Variants in ABCC1 observed in about 807,000 individuals in gnomAD.
ABCC1 encodes ATP binding cassette subfamily C member 1 (ABCC1 blood group).
Under a neutral mutation model 172.9 loss-of-function variants are expected in ABCC1, and 83 were observed. The observed-to-expected ratio is 0.48, with a 90% confidence interval of 0.40 to 0.58. The LOEUF (loss-of-function observed/expected upper bound fraction) is 0.58. Ranked by LOEUF, ABCC1 falls within the 20% of genes least tolerant of loss-of-function variation. The pLI is 0.00. For missense variants in ABCC1, 1,817 were observed against 2,002.7 expected (o/e 0.91, Z 1.77); for synonymous variants, 937 against 825.2 (o/e 1.14, Z -2.32).
At chr16:16,052,675 TG>T (rs768945978) in intron 10 of ABCC1, 48 bp from the exon 11 acceptor site, 1 of 1,585,930 alleles carries the variant, frequency 6.3e-7, no homozygotes, top group South Asian at 1.1e-5. Context: ...TTACGGGCCC[TG>T]TTTTCTTCTG....
At chr16:16,128,737 G>A (rs1307874932) in intron 26 of ABCC1, among the ~76,000 whole-genome samples, 1 of 152,136 alleles carries the variant, frequency 6.6e-6, no homozygotes, top group Admixed American at 6.5e-5. Context: ...AGTGGCCCAC[G>A]CCTGCAATCC....
At chr16:16,006,847 T>TGGTGGC (rs71134499) in intron 1 of ABCC1, among the ~76,000 whole-genome samples, 5,458 of 89,654 alleles carry the variant, frequency 0.061, 338 homozygotes, top group African/African-American at 0.16. Context: ...TTATCCGTGG[T>TGGTGGC]GGTGGCGGTG....
intron 20 of ABCC1, among the ~76,000 whole-genome samples, chr16:16,106,199 C>T (rs921510469): frequency 1.1e-4 from 16 of 152,026 alleles, no homozygotes; most frequent in African/African-American, 3.4e-4. Context: ...CTGAGTAACA[C>T]GCTTGCATGA....
rs188980645 is a variant in ABCC1 at position 16,134,476 on chromosome 16, G to T, written c.4093G>T (p.Asp1365Tyr). The change falls in exon 28 of 31, where the codon GAC becomes TAC. Residue 1365 changes from aspartate (D) to tyrosine (Y), a missense_variant. Physicochemically the swap from Asp to Tyr is radical, Grantham distance 160. Around this residue, in one of 3 missense-constraint regions of ABCC1, gnomAD observed 1,412 missense variants for 1,600.3 expected, o/e 0.88. Transcript: ENST00000399410. ...CAACATCGCCAAGATCGGCCTGCAC[G>T]ACCTCCGCTTCAAGATCACCATCAT... ...GINIAKIGLH[D>Y]LRFKITIIPQ... The T allele has an allele frequency of 8.1e-6, 13 of 1,614,042 alleles. No individual in the cohort carries two copies. The highest frequency in any genetic ancestry group is 6.7e-5 in the Admixed American group (4 of 60,000).
At chr16:16,066,332 C>G (rs1398902537) in intron 12 of ABCC1, among the ~76,000 whole-genome samples, 1 of 151,882 alleles carries the variant, frequency 6.6e-6, no homozygotes, top group East Asian at 2.0e-4. Flanking sequence ...TAGGCATGCA[C>G]CACCACTCCT....
chr16:16,014,619 C>T lies in ABCC1; in HGVS notation c.480C>T (p.Ala160=). The change falls in exon 4 of 31, where the codon GCC becomes GCT. Residue 160 remains alanine (A), a synonymous_variant. Transcript: ENST00000399410. ...TCCTGAGATCCAAAATTATGACAGCCTTAAAAGAGGTAAGTGGCAGTCTCC... is the reference window on the plus strand; with the variant it reads ...TCCTGAGATCCAAAATTATGACAGCTTTAAAAGAGGTAAGTGGCAGTCTCC... ...LAILRSKIMT[A]LKEDAQVDLF... The T allele has an allele frequency of 2.5e-6, 4 of 1,613,770 alleles. No homozygotes were observed. The highest frequency in any genetic ancestry group is 2.5e-6 in the Non-Finnish European group (3 of 1,179,954).
At chr16:16,090,360 TCA>T (rs4148357) in intron 18 of ABCC1, 43 bp from the exon 19 acceptor site, 2 of 1,512,770 alleles carry the variant, frequency 1.3e-6, no homozygotes, top group Admixed American at 4.1e-5. Context: ...CTAGGCAGTC[TCA>T]CACATGTGCA....
intron 30 of ABCC1, 151 bp downstream of exon 30, chr16:16,138,709 T>A: frequency 7.0e-6 from 3 of 430,876 alleles, no homozygotes; most frequent in Non-Finnish European, 1.2e-5. Flanking sequence ...TGGTACCAGC[T>A]ATTTCTTTTT....
chr16:16,047,460 T>C (rs2049257139), intron 9 of ABCC1, among the ~76,000 whole-genome samples: 1 of 151,962 alleles, frequency 6.6e-6, no homozygotes, highest in Non-Finnish European at 1.5e-5. Context: ...CCTGCTAATG[T>C]CTTAGTGTTT....
intron 1 of ABCC1, among the ~76,000 whole-genome samples, chr16:15,993,708 T>C (rs246218): frequency 0.84 from 124,868 of 148,146 alleles, 52,451 homozygotes; most frequent in Non-Finnish European, 0.88. Flanking sequence ...AACCTAGACC[T>C]GGAACCTTGT....
intron 30 of ABCC1, among the ~76,000 whole-genome samples, chr16:16,139,339 C>T (rs924412702): frequency 4.3e-4 from 66 of 151,944 alleles, no homozygotes; most frequent in Admixed American, 2.6e-3. Flanking sequence ...AGGCCAGGTG[C>T]GGTGGCTCAC....
At chr16:16,068,753 G>A (rs908686270) in intron 13 of ABCC1, among the ~76,000 whole-genome samples, 2 of 151,864 alleles carry the variant, frequency 1.3e-5, no homozygotes, top group Non-Finnish European at 2.9e-5. Flanking sequence ...TTGGGAGGCT[G>A]AGGCGGGTAG....
intron 1 of ABCC1, among the ~76,000 whole-genome samples, chr16:16,000,362 T>A (rs1463467498): frequency 9.0e-6 from 1 of 111,018 alleles, no homozygotes; most frequent in Non-Finnish European, 2.3e-5. Flanking sequence ...CCAGGCTGGT[T>A]TTGAACTCCT....
At chr16:16,029,818 C>T (rs1362550956) in intron 5 of ABCC1, among the ~76,000 whole-genome samples, 1 of 152,122 alleles carries the variant, frequency 6.6e-6, no homozygotes, top group East Asian at 1.9e-4. Flanking sequence ...GAGTTTGAGA[C>T]CAGCCTGATC....
chr16:16,106,345 C>A (rs538083902), intron 20 of ABCC1, among the ~76,000 whole-genome samples: 1 of 146,618 alleles, frequency 6.8e-6, no homozygotes, highest in East Asian at 2.0e-4. Flanking sequence ...GAAAAATGAT[C>A]TACGATGTGC....
intron 1 of ABCC1, among the ~76,000 whole-genome samples, chr16:15,993,483 T>C (rs1247942333): frequency 6.6e-6 from 1 of 152,134 alleles, no homozygotes; most frequent in East Asian, 1.9e-4. Context: ...TCTGGAGATA[T>C]TTGGCAATGT....
chr16:16,117,244 A>G (rs1431653271), intron 23 of ABCC1, among the ~76,000 whole-genome samples: 2 of 152,204 alleles, frequency 1.3e-5, no homozygotes, highest in African/African-American at 2.4e-5. Context: ...AGAAGCAAAC[A>G]TGTCCTTCTT....
chr16:16,033,317 A>G (rs547132266), intron 6 of ABCC1, 147 bp downstream of exon 6: 9 of 765,264 alleles, frequency 1.2e-5, no homozygotes, highest in East Asian at 2.7e-5. Flanking sequence ...TGTGCTGGCC[A>G]TGTGGTCTCA....
At chr16:16,003,010 T>C (rs2047373337) in intron 1 of ABCC1, among the ~76,000 whole-genome samples, 1 of 152,218 alleles carries the variant, frequency 6.6e-6, no homozygotes. Context: ...GAAAGAGTTT[T>C]AGCACACAAA....
Sources: allele counts gnomAD v4.1 joint callset (sites outside exome capture counted in the v4.1 genomes callset), GRCh38; gene constraint gnomAD v4.1.1; regional missense constraint gnomAD v4.1.1; transcripts MANE v1.5; gene names NCBI Gene and HGNC (gene_info 2026-07-23, HGNC 2026-07-21).